ME1: variants seen among roughly 807,000 people sequenced by gnomAD.
ME1 encodes malic enzyme 1, also known as NADP-dependent malic enzyme.
A neutral mutation model predicts 66.4 loss-of-function variants in ME1; 74 were observed. The observed-to-expected ratio is 1.11, with a 90% CI of 0.92 to 1.35. The LOEUF is 1.35. ME1 is among the 40% of genes most tolerant of loss of function. ME1 has a pLI of 0.00. For synonymous variants in ME1, 251 were observed against 235.6 expected, an observed-to-expected ratio of 1.07 and a Z score of -0.60; for missense variants, 750 against 694.1, an observed-to-expected ratio of 1.08 and a Z score of -0.90.
chr6:83,219,252 T>C (rs569945275), intron 12 of ME1, among the ~76,000 whole-genome samples: 1 of 152,336 alleles, frequency 6.6e-6, no homozygotes, highest in East Asian at 1.9e-4. Context: ...ATTTCTTAGA[T>C]GTTAAAGCAA....
intron 6 of ME1, among the ~76,000 whole-genome samples, chr6:83,257,554 G>A (rs1026571297): frequency 2.0e-5 from 3 of 152,096 alleles, no homozygotes; most frequent in Admixed American, 2.0e-4. Flanking sequence ...GGGATGGGGG[G>A]TCAATTCTGA....
At chr6:83,425,603 C>A (rs1266671952) in intron 1 of ME1, among the ~76,000 whole-genome samples, 2 of 152,058 alleles carry the variant, frequency 1.3e-5, no homozygotes, top group Non-Finnish European at 2.9e-5. Context: ...GGGTAACCAC[C>A]CCCATCATTC....
Position 83,369,671 on chromosome 6 carries a change from C to CGAAGGAAGGAAG in ME1, c.363-17544_363-17533dup, listed in dbSNP as rs796598711. 4.8e-3 allele frequency among the ~76,000 whole-genome samples: 345 copies of CGAAGGAAGGAAG among 72,304 alleles called. 2 individuals are homozygous for CGAAGGAAGGAAG. The highest frequency in any genetic ancestry group is 0.015 in the African/African-American group (177 of 12,146). 47.4% of individuals were successfully genotyped at this position (72,304 alleles called of 152,430 possible). A position where few individuals can be genotyped will look rare whatever the true frequency, so the allele number is the denominator to read the frequency against. ...ACAGAGAGAGGAAGGAAGGAAGGAA[C>CGAAGGAAGGAAG]GAAGGAAGGAAGGAAGGAAGGAAGG... On this transcript the variant is annotated intron_variant, in intron 3 of 13. Transcript: ENST00000369705.
intron 3 of ME1, among the ~76,000 whole-genome samples, chr6:83,359,306 C>A (rs1768959662): frequency 6.6e-6 from 1 of 152,176 alleles, no homozygotes; most frequent in South Asian, 2.1e-4. Flanking sequence ...TCCCGGCAGG[C>A]CCCTAGAAGT....
At chr6:83,220,385 G>A (rs189461192) in intron 12 of ME1, among the ~76,000 whole-genome samples, 515 of 152,270 alleles carry the variant, frequency 3.4e-3, no homozygotes, top group Middle Eastern at 6.8e-3. Context: ...TCTATTCCCA[G>A]GATACACTAC....
chr6:83,397,613 A>G (rs1407142624), intron 3 of ME1, among the ~76,000 whole-genome samples: 2 of 152,202 alleles, frequency 1.3e-5, no homozygotes, highest in Non-Finnish European at 2.9e-5. Flanking sequence ...TCTAGTAATA[A>G]CACTACTGGG....
At chr6:83,418,554 T>G (rs1770204342) in intron 1 of ME1, among the ~76,000 whole-genome samples, 1 of 152,178 alleles carries the variant, frequency 6.6e-6, no homozygotes, top group Non-Finnish European at 1.5e-5. Flanking sequence ...CCAGAAACAC[T>G]CTCACTGACA....
chr6:83,311,198 C>G (rs561252492), intron 6 of ME1, among the ~76,000 whole-genome samples: 5 of 152,062 alleles, frequency 3.3e-5, no homozygotes, highest in Admixed American at 2.6e-4. Flanking sequence ...CTGGGACATA[C>G]TAGAGTTGAT....
rs77611682 is a variant in ME1, at chr6:83,331,905, T to G, written c.600+14268A>C. 8.3e-4 allele frequency among the ~76,000 whole-genome samples: 126 copies of G among 152,344 alleles called. 1 individual carries two copies. In the East Asian group the frequency reaches 0.017, roughly 20 times the overall value. On this transcript the variant is annotated intron_variant, in intron 5 of 13. Coordinates refer to ENST00000369705, the MANE Select transcript of ME1 (RefSeq NM_002395.6). ...GGAAGGGAACACAAGGAACATCTAC[T>G]CAAATTATTTTTAGTCAAATAGCAA...
intron 3 of ME1, among the ~76,000 whole-genome samples, chr6:83,355,656 C>T (rs1242952344): frequency 1.3e-5 from 2 of 152,102 alleles, no homozygotes; most frequent in African/African-American, 4.8e-5. Context: ...ATTTGCAATA[C>T]TTCCTGAAAT....
At chr6:83,310,073 C>G (rs1441317866) in intron 6 of ME1, among the ~76,000 whole-genome samples, 1 of 152,100 alleles carries the variant, frequency 6.6e-6, no homozygotes, top group Non-Finnish European at 1.5e-5. Context: ...TAATTAATAT[C>G]CAAGCTAATT....
intron 3 of ME1, among the ~76,000 whole-genome samples, chr6:83,384,758 A>G (rs1051030174): frequency 2.0e-5 from 3 of 151,726 alleles, no homozygotes; most frequent in Non-Finnish European, 4.4e-5. Flanking sequence ...CTAGTGTTTT[A>G]TAGTTTTAGG....
chr6:83,276,205 C>T (rs1168174540), intron 6 of ME1, among the ~76,000 whole-genome samples: 1 of 152,096 alleles, frequency 6.6e-6, no homozygotes, highest in African/African-American at 2.4e-5. Context: ...GGTCCAAGAA[C>T]CAACTTTGAA....
At chr6:83,222,398 T>A (rs1001740087) in intron 12 of ME1, among the ~76,000 whole-genome samples, 1 of 152,202 alleles carries the variant, frequency 6.6e-6, no homozygotes, top group African/African-American at 2.4e-5. Context: ...ATCAGTAACA[T>A]AAGAATCTTT....
intron 1 of ME1, among the ~76,000 whole-genome samples, chr6:83,417,466 C>T (rs376759350): frequency 8.5e-5 from 13 of 152,082 alleles, no homozygotes; most frequent in African/African-American, 1.9e-4. Context: ...TTGCAACCTC[C>T]GCCACCCAGG....
rs1009012348 is a variant in ME1 at position 83,393,208 on chromosome 6, C to A, written c.362+5159G>T. 3 of 1,164,294 alleles carry A rather than the reference C, an allele frequency of 2.6e-6. No individual in the cohort carries two copies. The African/African-American group carries it at 4.5e-5, about 17-fold the overall frequency. 72.1% of individuals were successfully genotyped at this position (1,164,294 alleles called of 1,614,324 possible). A position where few individuals can be genotyped will look rare whatever the true frequency, so the allele number is the denominator to read the frequency against. ...GTGGTGAAGCAGGCGTCAGAGGACC[C>A]CCTCAAAGGCATCCTGGGCTACTCT... On this transcript the variant is annotated intron_variant, in intron 3 of 13. Coordinates refer to ENST00000369705, the MANE Select transcript of ME1 (RefSeq NM_002395.6).
Position 83,253,709 on chromosome 6 carries a change from T to G in ME1, c.734A>C (p.Glu245Ala). The change falls in exon 7 of 14, where the codon GAA becomes GCA. Residue 245 changes from glutamate to alanine, a missense_variant. By Grantham distance (107) the Glu-to-Ala change is moderately radical. Transcript: ENST00000369705. The stretch of plus-strand genomic sequence containing the variant: ...AAATGCATTCACATTGGCAAAATCT[T>G]CAAACTGAATAAGGCAATTCATGCC... ...KYGMNCLIQFEDFANVNAFRL... is the reference protein window; with the variant it reads ...KYGMNCLIQFADFANVNAFRL... The G allele has an allele frequency of 6.2e-7, 1 of 1,608,570 alleles. No homozygotes were observed. The highest frequency in any genetic ancestry group is 1.1e-5 in the South Asian group (1 of 90,860).
intron 4 of ME1, among the ~76,000 whole-genome samples, chr6:83,348,998 A>C (rs1484365001): frequency 2.1e-5 from 3 of 144,358 alleles, no homozygotes; most frequent in African/African-American, 5.4e-5. Flanking sequence ...AAAAAAAAAA[A>C]AAACAAAAAA....
At chr6:83,313,017 A>T (rs1767959765) in intron 6 of ME1, among the ~76,000 whole-genome samples, 1 of 152,192 alleles carries the variant, frequency 6.6e-6, no homozygotes, top group Non-Finnish European at 1.5e-5. Flanking sequence ...TCGGCCTTCC[A>T]AAGTGCTGGG....
Sources: allele counts gnomAD v4.1 joint callset (sites outside exome capture counted in the v4.1 genomes callset), GRCh38; gene constraint gnomAD v4.1.1; transcripts MANE v1.5; gene names NCBI Gene and HGNC (gene_info 2026-07-23, HGNC 2026-07-21).